Variants in GALNT14 observed in about 807,000 individuals in gnomAD.
GALNT14 encodes polypeptide N-acetylgalactosaminyltransferase 14, also known as UDP-GalNAc:polypeptide N-acetylgalactosaminyltransferase 14.
Under a neutral mutation model 77.5 loss-of-function variants are expected in GALNT14, and 60 were observed. The observed-to-expected ratio is 0.77, with a 90% CI of 0.63 to 0.96. The LOEUF (loss-of-function observed/expected upper bound fraction) is 0.96, where lower values mean the gene tolerates loss of function less well. Among genes scored for constraint, GALNT14 ranks in the 40% least tolerant of loss-of-function variants. The pLI, the probability that GALNT14 is intolerant of heterozygous loss-of-function variation, is 0.00. For synonymous variants in GALNT14, 280 were observed against 281.7 expected (o/e 0.99, Z 0.06); for missense variants, 710 against 731.0 (o/e 0.97, Z 0.33).
intron 1 of GALNT14, among the ~76,000 whole-genome samples, chr2:31,095,975 C>T (rs1676983668): frequency 6.6e-6 from 1 of 152,126 alleles, no homozygotes; most frequent in Non-Finnish European, 1.5e-5. Context: ...AGGGTGCGTT[C>T]CTTCTAGAGG....
intron 1 of GALNT14, among the ~76,000 whole-genome samples, chr2:31,067,464 G>A (rs1675053600): frequency 6.6e-6 from 1 of 152,092 alleles, no homozygotes; most frequent in Admixed American, 6.5e-5. Context: ...CAGACTTTGA[G>A]CATCCTCTTC....
intron 1 of GALNT14, among the ~76,000 whole-genome samples, chr2:31,013,181 G>A (rs779277362): frequency 6.6e-6 from 1 of 152,174 alleles, no homozygotes; most frequent in Non-Finnish European, 1.5e-5. Flanking sequence ...AAAATGTATA[G>A]AAAGAGCAAA....
At chr2:31,078,272 G>C (rs1675932045) in intron 1 of GALNT14, among the ~76,000 whole-genome samples, 1 of 152,200 alleles carries the variant, frequency 6.6e-6, no homozygotes, top group Non-Finnish European at 1.5e-5. Context: ...AAACTTGAAT[G>C]GTAATGATCC....
intron 2 of GALNT14, among the ~76,000 whole-genome samples, chr2:30,987,312 G>C (rs1290219291): frequency 5.9e-5 from 9 of 152,166 alleles, no homozygotes; most frequent in Admixed American, 5.9e-4. Context: ...TGAATGAGTA[G>C]GGCATGCCTG....
chr2:31,019,502 AG>A (rs1282834243), intron 1 of GALNT14, among the ~76,000 whole-genome samples: 1 of 152,102 alleles, frequency 6.6e-6, no homozygotes, highest in Non-Finnish European at 1.5e-5. Flanking sequence ...TGTGCTCTGC[AG>A]GGCCTCAGCT....
intron 1 of GALNT14, among the ~76,000 whole-genome samples, chr2:30,999,956 C>G (rs1670262740): frequency 6.6e-6 from 1 of 152,186 alleles, no homozygotes; most frequent in Non-Finnish European, 1.5e-5. Context: ...AGAGGCAAAA[C>G]TATTCTCACC....
chr2:31,032,803 A>G (rs1404957632), intron 1 of GALNT14, among the ~76,000 whole-genome samples: 1 of 152,158 alleles, frequency 6.6e-6, no homozygotes, highest in Non-Finnish European at 1.5e-5. Flanking sequence ...TGTGATGTGC[A>G]CACAGATGCC....
In GALNT14 at chr2:31,086,767, A is replaced by G. The variant is rs371024765; in HGVS notation, c.129+51191T>C. On this transcript the variant is annotated intron_variant, in intron 1 of 14. Coordinates refer to ENST00000349752, the MANE Select transcript of GALNT14 (RefSeq NM_024572.4). ...CTAAGGAATGGTTGGTGCACTACGG[A>G]CTCTTGGACCCAGGGTAATAATTCC... Among the ~76,000 whole-genome samples, 18 of 152,108 alleles carry G rather than the reference A, an allele frequency of 1.2e-4. No individual in the cohort carries two copies. The South Asian group carries it at 3.5e-3, about 30-fold the overall frequency.
intron 2 of GALNT14, among the ~76,000 whole-genome samples, chr2:30,987,781 C>T (rs1669401443): frequency 6.8e-6 from 1 of 147,346 alleles, no homozygotes; most frequent in Non-Finnish European, 1.5e-5. Context: ...CTTCAGATTC[C>T]TGAGCTGCTC....
intron 1 of GALNT14, among the ~76,000 whole-genome samples, chr2:31,130,382 G>A (rs1319588330): frequency 6.6e-6 from 1 of 152,188 alleles, no homozygotes; most frequent in Non-Finnish European, 1.5e-5. Context: ...ACAGAGCAGA[G>A]GGCAGAGGGC....
At chr2:31,132,578 G>T in intron 1 of GALNT14, 1 of 396,258 alleles carries the variant, frequency 2.5e-6, no homozygotes, top group Non-Finnish European at 5.2e-6. Context: ...CACTGAAATT[G>T]CCTTTGCAAA....
At chr2:30,941,290 T>C (rs369958167) in intron 9 of GALNT14, among the ~76,000 whole-genome samples, 11 of 152,302 alleles carry the variant, frequency 7.2e-5, no homozygotes, top group East Asian at 3.9e-4. Flanking sequence ...GCAGCCACTA[T>C]GCTAAGCACT....
intron 1 of GALNT14, among the ~76,000 whole-genome samples, chr2:31,098,644 G>C (rs1056980159): frequency 2.6e-5 from 4 of 152,014 alleles, no homozygotes; most frequent in Non-Finnish European, 5.9e-5. Flanking sequence ...GCAGTGTGGG[G>C]GTTAGGGGAA....
chr2:31,061,041 T>C (rs1430016214), intron 1 of GALNT14, among the ~76,000 whole-genome samples: 2 of 152,176 alleles, frequency 1.3e-5, no homozygotes, highest in Admixed American at 1.3e-4. Context: ...GGTGTTTCTC[T>C]TCTGCCATTC....
At position 30,942,398 on chromosome 2, in the gene GALNT14, C is replaced by A; in HGVS notation, c.828-94G>T. On this transcript the variant is annotated intron_variant, in intron 8 of 14. Transcript: ENST00000349752. ...CCTTGAGTCTGAAACACCCATTTCCCATTTGGGGAAAGAAAACCCCATTGA... is the reference window on the plus strand; with the variant it reads ...CCTTGAGTCTGAAACACCCATTTCCAATTTGGGGAAAGAAAACCCCATTGA... 6.7e-6 allele frequency: 6 copies of A among 891,672 alleles called. No homozygotes were observed. The South Asian group carries it at 7.6e-5, about 11-fold the overall frequency. The allele number at this position is 891,672 out of a possible 1,614,324, so 55.2% of individuals were successfully genotyped here.
intron 1 of GALNT14, among the ~76,000 whole-genome samples, chr2:31,077,102 C>T (rs577910001): frequency 1.3e-5 from 2 of 152,284 alleles, no homozygotes; most frequent in African/African-American, 4.8e-5. Flanking sequence ...ATGTGCTACG[C>T]TATTACAAAC....
At chr2:31,109,676 T>C (rs981866035) in intron 1 of GALNT14, among the ~76,000 whole-genome samples, 13 of 152,246 alleles carry the variant, frequency 8.5e-5, no homozygotes, top group African/African-American at 3.1e-4. Flanking sequence ...GGTACAATCA[T>C]TAAACATCTC....
At chr2:30,919,973 A>G (rs1285059884) in intron 13 of GALNT14, among the ~76,000 whole-genome samples, 1 of 152,108 alleles carries the variant, frequency 6.6e-6, no homozygotes, top group Non-Finnish European at 1.5e-5. Flanking sequence ...ATCTTTTCAT[A>G]AAGATTGTCC....
chr2:30,991,351 CCTCT>C (rs1401814536), intron 2 of GALNT14: 5 of 150,356 alleles, frequency 3.3e-5, no homozygotes, highest in African/African-American at 1.3e-4. Context: ...TCCCTCTTCC[CCTCT>C]CTCCTATCTG....
Sources: gnomAD v4.1 joint callset for allele counts (sites outside exome capture counted in the v4.1 genomes callset) on GRCh38, gnomAD v4.1.1 for gene constraint, MANE v1.5 for transcripts, NCBI Gene and HGNC (gene_info 2026-07-23, HGNC 2026-07-21) for gene names.